The following COL11A1 variants were observed in gnomAD, a reference collection of about 807,000 sequenced individuals.
COL11A1 encodes collagen alpha-1(XI) chain.
Under a neutral mutation model 265.2 loss-of-function variants are expected in COL11A1, and 74 were observed. The observed-to-expected ratio is 0.28, with a 90% confidence interval of 0.23 to 0.34. The LOEUF is 0.34. Ranked by LOEUF, COL11A1 falls within the 10% of genes least tolerant of loss-of-function variation. The pLI is 1.00. For missense variants in COL11A1, 2,165 were observed against 2,263.6 expected (o/e 0.96, Z 0.88); for synonymous variants, 816 against 727.6 (o/e 1.12, Z -1.96).
chr1:102,896,834 A>G lies in COL11A1; in HGVS notation c.4302+1291T>C, dbSNP rs560924446. Among the ~76,000 whole-genome samples the G allele has an allele frequency of 1.4e-3, 219 of 152,268 alleles. 1 individual carries two copies. The highest frequency in any genetic ancestry group is 5.0e-3 in the African/African-American group (206 of 41,584). ...CGGAAAATCTGAAATAACAAGAAAA[A>G]ATCTCTGGCAAATTTTAGAGTGACA... is the stretch of plus-strand genomic sequence containing the variant. On this transcript the variant is annotated intron_variant, in intron 57 of 66. Transcript: ENST00000370096.
At chr1:102,904,342 A>C (rs1472247513) in intron 54 of COL11A1, among the ~76,000 whole-genome samples, 2 of 152,204 alleles carry the variant, frequency 1.3e-5, no homozygotes, top group East Asian at 3.9e-4. Context: ...AAACACCAAA[A>C]GCAATGGCAA....
At chr1:103,091,857 C>A (rs1279837284) in intron 1 of COL11A1, among the ~76,000 whole-genome samples, 3 of 151,924 alleles carry the variant, frequency 2.0e-5, no homozygotes, top group East Asian at 3.9e-4. Flanking sequence ...ATAAGAAAGA[C>A]AATATATATC....
chr1:103,008,400 G>A (rs556635139), intron 15 of COL11A1, 63 bp downstream of exon 15: 51 of 1,366,738 alleles, frequency 3.7e-5, no homozygotes, highest in South Asian at 3.2e-4. Flanking sequence ...ATGCATTCTC[G>A]AAGGAATTAT....
intron 39 of COL11A1, 127 bp from the exon 40 acceptor site, chr1:102,962,392 G>A (rs1022897065): frequency 2.8e-5 from 23 of 821,786 alleles, no homozygotes; most frequent in Non-Finnish European, 4.3e-5. Context: ...AGAATATTGG[G>A]TGGAATGCCA....
At chr1:102,882,591 G>A (rs1420076998) in intron 64 of COL11A1, among the ~76,000 whole-genome samples, 1 of 152,100 alleles carries the variant, frequency 6.6e-6, no homozygotes, top group Non-Finnish European at 1.5e-5. Context: ...TAGGAAGAAT[G>A]AGATTTATTA....
chr1:103,044,131 A>T (rs1022258056), intron 4 of COL11A1, among the ~76,000 whole-genome samples: 1 of 150,816 alleles, frequency 6.6e-6, no homozygotes, highest in African/African-American at 2.4e-5. Context: ...GTCTACTTAG[A>T]ATTCTGAATT....
chr1:102,989,688 G>T (rs1663936324), intron 28 of COL11A1, 117 bp from the exon 29 acceptor site: 2 of 600,782 alleles, frequency 3.3e-6, no homozygotes, highest in Non-Finnish European at 5.8e-6. Context: ...TGAGAAATGT[G>T]CATGGTAGTT....
chr1:102,944,416 T>G (rs1236844508), intron 42 of COL11A1, among the ~76,000 whole-genome samples: 1 of 152,158 alleles, frequency 6.6e-6, no homozygotes, highest in African/African-American at 2.4e-5. Flanking sequence ...ACCCCTTAGT[T>G]ATTCTAAATA....
At chr1:103,089,071 C>G (rs963665176) in intron 1 of COL11A1, among the ~76,000 whole-genome samples, 1 of 152,160 alleles carries the variant, frequency 6.6e-6, no homozygotes, top group Non-Finnish European at 1.5e-5. Flanking sequence ...AGTCCTTCCT[C>G]AATTGGTTAA....
chr1:103,062,924 T>C (rs1043523003), intron 4 of COL11A1, among the ~76,000 whole-genome samples: 6 of 152,008 alleles, frequency 3.9e-5, no homozygotes, highest in African/African-American at 9.7e-5. Context: ...AAAACATCAA[T>C]CATTTTCTTA....
intron 41 of COL11A1, among the ~76,000 whole-genome samples, chr1:102,958,413 A>G (rs1272332653): frequency 6.6e-6 from 1 of 152,246 alleles, no homozygotes. Context: ...TAGATAAATT[A>G]TACTTCACAT....
At position 102,920,382 on chromosome 1, in the gene COL11A1, G is replaced by A; in HGVS notation, c.3709-18C>T. The A allele has an allele frequency of 6.2e-7, 1 of 1,607,874 alleles. No homozygotes were observed. Among genetic ancestry groups the A allele is most frequent in the Non-Finnish European group, 8.5e-7 (1 of 1,174,584 alleles). On this transcript the variant is annotated intron_variant, in intron 48 of 66. Transcript: ENST00000370096. ...TGTGGTCCCTGCAGTGTAGAAAAAG[G>A]AATGTAATTATCCATATTCTTATTA...
intron 4 of COL11A1, among the ~76,000 whole-genome samples, chr1:103,073,805 T>C (rs776817918): frequency 1.3e-5 from 2 of 151,988 alleles, no homozygotes; most frequent in Non-Finnish European, 2.9e-5. Context: ...TATATATGTG[T>C]GTGTACACAT....
At chr1:103,025,219 A>T (rs1328472366) in intron 7 of COL11A1, among the ~76,000 whole-genome samples, 1 of 152,122 alleles carries the variant, frequency 6.6e-6, no homozygotes, top group Non-Finnish European at 1.5e-5. Flanking sequence ...ACCCTTAGTC[A>T]CAACATGTTG....
intron 41 of COL11A1, among the ~76,000 whole-genome samples, chr1:102,953,051 T>C (rs1366946745): frequency 1.3e-5 from 2 of 152,176 alleles, no homozygotes; most frequent in Non-Finnish European, 1.5e-5. Flanking sequence ...GAAACTCACA[T>C]TGTGTATATA....
At position 102,962,665 on chromosome 1, in the gene COL11A1, T is replaced by C; in HGVS notation, c.3012A>G (p.Lys1004=). ...GEQGLPGAAG[K]EGAKGDPGPQ... is the part of the protein sequence containing the mutation. ...AAGCATGTTGTACCTTTGCACCTTC[T>C]TTTCCTGCAGCACCAGGAAGACCTT... The change falls in exon 39 of 67, where the codon AAA becomes AAG. Residue 1004 remains lysine (K), a synonymous_variant. Transcript: ENST00000370096. The C allele has an allele frequency of 6.2e-7, 1 of 1,614,080 alleles. No individual in the cohort carries two copies. The highest frequency in any genetic ancestry group is 8.5e-7 in the Non-Finnish European group (1 of 1,179,980).
intron 42 of COL11A1, among the ~76,000 whole-genome samples, chr1:102,946,175 T>G (rs1659243760): frequency 9.9e-6 from 1 of 101,174 alleles, no homozygotes; most frequent in Non-Finnish European, 1.9e-5. Flanking sequence ...TGGGGACTGT[T>G]GTGGGGTGGG....
chr1:102,912,391 C>T lies in COL11A1; in HGVS notation c.4033-179G>A, dbSNP rs12133515. Among the ~76,000 whole-genome samples the T allele has an allele frequency of 0.059, 9,035 of 152,108 alleles. 332 individuals are homozygous for T. Among genetic ancestry groups the T allele is most frequent in the Non-Finnish European group, 0.085 (5,757 of 67,974 alleles). Reference sequence around the variant, plus strand: ...TTCCTCTAGATATTTATAGTTAGAGCTGGTAAATTTAGATGGTAAAATTAT... The same window carrying T: ...TTCCTCTAGATATTTATAGTTAGAGTTGGTAAATTTAGATGGTAAAATTAT... On this transcript the variant is annotated intron_variant, in intron 53 of 66. Coordinates refer to ENST00000370096, the MANE Select transcript of COL11A1 (RefSeq NM_001854.4).
intron 4 of COL11A1, among the ~76,000 whole-genome samples, chr1:103,033,643 C>T (rs1668148798): frequency 6.6e-6 from 1 of 152,030 alleles, no homozygotes; most frequent in South Asian, 2.1e-4. Context: ...ATATTATAAA[C>T]AAGAACAATC....
Sources: allele counts gnomAD v4.1 joint callset (sites outside exome capture counted in the v4.1 genomes callset), GRCh38; gene constraint gnomAD v4.1.1; transcripts MANE v1.5; gene names NCBI Gene and HGNC (gene_info 2026-07-23, HGNC 2026-07-21).